The following EPHA3 variants were observed in gnomAD, a reference collection of about 807,000 sequenced individuals.
EPHA3 encodes EPH receptor A3, also known as ephrin type-A receptor 3.
Under a neutral mutation model 107.1 loss-of-function variants are expected in EPHA3, and 42 were observed. The ratio of observed to expected loss-of-function variants is 0.39; its 90% CI spans 0.31 to 0.51. EPHA3 has a LOEUF of 0.51. Among genes scored for constraint, EPHA3 ranks in the 20% least tolerant of loss-of-function variants. The pLI is 0.78. For missense variants in EPHA3, 1,183 were observed against 1,211.2 expected, an observed-to-expected ratio of 0.98 and a Z score of 0.35; for synonymous variants, 461 against 424.8, an observed-to-expected ratio of 1.09 and a Z score of -1.05.
intron 7 of EPHA3, among the ~76,000 whole-genome samples, chr3:89,400,570 AG>A (rs1286524542): frequency 6.6e-6 from 1 of 152,058 alleles, no homozygotes; most frequent in Non-Finnish European, 1.5e-5. Context: ...GATTAGCAAG[AG>A]ATTAAAACCT....
intron 5 of EPHA3, among the ~76,000 whole-genome samples, chr3:89,354,458 C>G (rs1026473661): frequency 6.6e-6 from 1 of 150,546 alleles, no homozygotes; most frequent in African/African-American, 2.4e-5. Flanking sequence ...CAATATAGTA[C>G]CAGTGTTCAA....
chr3:89,436,435 T>C (rs1025081756), intron 13 of EPHA3, among the ~76,000 whole-genome samples: 1 of 152,204 alleles, frequency 6.6e-6, no homozygotes, highest in African/African-American at 2.4e-5. Flanking sequence ...ATTTGGAGAT[T>C]AACATTTGGT....
At chr3:89,192,268 G>C (rs1185301472) in intron 2 of EPHA3, among the ~76,000 whole-genome samples, 1 of 152,094 alleles carries the variant, frequency 6.6e-6, no homozygotes, top group Non-Finnish European at 1.5e-5. Context: ...CTACATTATG[G>C]AGTGTTCATT....
At chr3:89,179,681 A>AG (rs1446446597) in intron 2 of EPHA3, among the ~76,000 whole-genome samples, 1 of 151,452 alleles carries the variant, frequency 6.6e-6, no homozygotes, top group Non-Finnish European at 1.5e-5. Flanking sequence ...AAAAAAAAAA[A>AG]AGATCTTCAA....
At chr3:89,169,846 A>T (rs1705170001) in intron 2 of EPHA3, among the ~76,000 whole-genome samples, 1 of 152,208 alleles carries the variant, frequency 6.6e-6, no homozygotes, top group Non-Finnish European at 1.5e-5. Context: ...GATAGTAGAA[A>T]TTGCAGCATT....
chr3:89,415,322 C>T (rs1490102699), intron 10 of EPHA3, among the ~76,000 whole-genome samples: 5 of 150,478 alleles, frequency 3.3e-5, no homozygotes, highest in Admixed American at 2.0e-4. Context: ...TACCTACTTC[C>T]TACATTCTTA....
chr3:89,344,678 G>A (rs1454875091), intron 5 of EPHA3, among the ~76,000 whole-genome samples: 1 of 152,138 alleles, frequency 6.6e-6, no homozygotes, highest in Non-Finnish European at 1.5e-5. Context: ...CAGATATGAT[G>A]CCAGGGTGCT....
rs138526047 is a variant in EPHA3 at position 89,216,368 on chromosome 3, T to C, written c.814+5848T>C. On this transcript the variant is annotated intron_variant, in intron 3 of 16. Coordinates refer to ENST00000336596, the MANE Select transcript of EPHA3 (RefSeq NM_005233.6). ...ACTAAATATCTATTAAATGTAAACT[T>C]ACCTGTAAAGTGATTGAAATTGTCC... Among the ~76,000 whole-genome samples, 18 of 152,168 alleles carry C rather than the reference T, an allele frequency of 1.2e-4. No individual in the cohort carries two copies. In the East Asian group the frequency reaches 3.3e-3, roughly 28 times the overall value.
intron 3 of EPHA3, among the ~76,000 whole-genome samples, chr3:89,319,421 A>G (rs899676051): frequency 6.6e-6 from 1 of 152,020 alleles, no homozygotes; most frequent in African/African-American, 2.4e-5. Context: ...AAGGATATAT[A>G]GGACATAATT....
intron 7 of EPHA3, among the ~76,000 whole-genome samples, chr3:89,404,073 C>T (rs545735742): frequency 1.5e-4 from 23 of 152,004 alleles, no homozygotes; most frequent in Admixed American, 1.3e-3. Context: ...ATTAAATTAG[C>T]GCTCCCGAAA....
chr3:89,336,106 T>G (rs1353607917), intron 3 of EPHA3, among the ~76,000 whole-genome samples: 2 of 152,220 alleles, frequency 1.3e-5, no homozygotes, highest in African/African-American at 4.8e-5. Flanking sequence ...ATAAGTTGAC[T>G]GGGACTTATT....
At chr3:89,172,456 C>A (rs1705232444) in intron 2 of EPHA3, among the ~76,000 whole-genome samples, 1 of 152,114 alleles carries the variant, frequency 6.6e-6, no homozygotes, top group Non-Finnish European at 1.5e-5. Context: ...GTCAGGCCTG[C>A]GTTACAAAAG....
intron 3 of EPHA3, among the ~76,000 whole-genome samples, chr3:89,217,895 CT>C (rs2107198244): frequency 6.6e-6 from 1 of 152,188 alleles, no homozygotes; most frequent in Non-Finnish European, 1.5e-5. Context: ...AGAAGTGAAT[CT>C]GAATATATAA....
At chr3:89,123,857 A>C (rs1704027085) in intron 1 of EPHA3, among the ~76,000 whole-genome samples, 1 of 152,240 alleles carries the variant, frequency 6.6e-6, no homozygotes, top group Non-Finnish European at 1.5e-5. Flanking sequence ...TAAAATTAAC[A>C]AAATAATGTG....
intron 3 of EPHA3, among the ~76,000 whole-genome samples, chr3:89,315,504 TA>T (rs1706875543): frequency 6.6e-6 from 1 of 151,766 alleles, no homozygotes; most frequent in Admixed American, 6.6e-5. Flanking sequence ...TGATTTGGCT[TA>T]AAAATCACAT....
At chr3:89,469,371 T>G (rs1710356865) in intron 15 of EPHA3, among the ~76,000 whole-genome samples, 2 of 152,176 alleles carry the variant, frequency 1.3e-5, no homozygotes, top group African/African-American at 2.4e-5. Flanking sequence ...GGGTTAAAAC[T>G]GCACTAAAAT....
chr3:89,369,013 A>G (rs182097844), intron 5 of EPHA3, among the ~76,000 whole-genome samples: 2 of 150,724 alleles, frequency 1.3e-5, no homozygotes, highest in African/African-American at 4.8e-5. Flanking sequence ...TTTGAACTCA[A>G]GTAATCTGAC....
chr3:89,196,646 CCTT>C (rs1705843235), intron 2 of EPHA3, among the ~76,000 whole-genome samples: 1 of 152,064 alleles, frequency 6.6e-6, no homozygotes. Context: ...TGCTCATCCT[CCTT>C]CTTCCTCCTC....
In EPHA3 at chr3:89,313,854, C is replaced by A. The variant is rs570140534; in HGVS notation, c.815-27062C>A. Among the ~76,000 whole-genome samples the A allele has an allele frequency of 3.3e-5, 5 of 151,940 alleles. No homozygotes were observed. The South Asian group carries it at 1.0e-3, about 32-fold the overall frequency. On this transcript the variant is annotated intron_variant, in intron 3 of 16. Transcript: ENST00000336596. The stretch of plus-strand genomic sequence containing the variant: ...ACTACATATTGTTGTTTAAAACTGT[C>A]AGCAGTAAAATAAAAAGAAATATTC...
Sources: allele counts gnomAD v4.1 joint callset (sites outside exome capture counted in the v4.1 genomes callset), GRCh38; gene constraint gnomAD v4.1.1; transcripts MANE v1.5; gene names NCBI Gene and HGNC (gene_info 2026-07-23, HGNC 2026-07-21).